The following PDYN variants were observed in gnomAD, a reference collection of about 807,000 sequenced individuals.
The protein encoded by PDYN is prodynorphin.
A neutral mutation model predicts 11.4 loss-of-function variants in PDYN; 5 were observed. The ratio of observed to expected loss-of-function variants is 0.44; its 90% CI spans 0.23 to 0.92. The LOEUF is 0.92. PDYN is among the 40% of genes least tolerant of loss of function. PDYN has a pLI of 0.24. For synonymous variants in PDYN, 132 were observed against 129.5 expected, an observed-to-expected ratio of 1.02 and a Z score of -0.13; for missense variants, 337 against 317.3, an observed-to-expected ratio of 1.06 and a Z score of -0.47.
intron 2 of PDYN, among the ~76,000 whole-genome samples, chr20:1,985,190 C>T (rs1405929739): frequency 2.0e-5 from 3 of 152,118 alleles, no homozygotes; most frequent in African/African-American, 4.8e-5. Flanking sequence ...TTCCACTCCA[C>T]GGGCCCCAGA....
chr20:1,992,001 G>A (rs957653156), intron 2 of PDYN, among the ~76,000 whole-genome samples: 4 of 152,146 alleles, frequency 2.6e-5, no homozygotes, highest in East Asian at 1.9e-4. Context: ...TATGATAATC[G>A]ATGGAGAGAA....
At chr20:1,991,312 C>T (rs191363762) in intron 2 of PDYN, among the ~76,000 whole-genome samples, 18 of 152,298 alleles carry the variant, frequency 1.2e-4, no homozygotes, top group East Asian at 3.9e-4. Context: ...CAAATTGCCT[C>T]GGTGCATATG....
intron 3 of PDYN, among the ~76,000 whole-genome samples, chr20:1,981,257 C>T (rs1383287819): frequency 5.9e-5 from 9 of 152,214 alleles, no homozygotes; most frequent in Non-Finnish European, 1.2e-4. Flanking sequence ...CACCTTTCCC[C>T]CTCCACGTCT....
intron 3 of PDYN, among the ~76,000 whole-genome samples, chr20:1,981,682 T>C (rs1987804256): frequency 6.6e-6 from 1 of 152,072 alleles, no homozygotes; most frequent in Admixed American, 6.6e-5. Context: ...TCCCAGCACT[T>C]TGGGAGACCA....
rs2235752 is a variant in PDYN, at chr20:1,989,612, A to T, written c.-20+2972T>A. The stretch of plus-strand genomic sequence containing the variant: ...AGAGGAGCCGCAAGCGTTTTTATTT[A>T]AAAAGCCAGCATGGAATAATAATGG... On this transcript the variant is annotated intron_variant, in intron 2 of 3. Transcript: ENST00000217305. Among the ~76,000 whole-genome samples, 1,006 of 152,344 alleles carry T rather than the reference A, an allele frequency of 6.6e-3. 12 individuals are homozygous for T. The highest frequency in any genetic ancestry group is 0.026 in the East Asian group (134 of 5,190).
chr20:1,987,545 A>C (rs1988245076), intron 2 of PDYN, among the ~76,000 whole-genome samples: 1 of 152,190 alleles, frequency 6.6e-6, no homozygotes, highest in Admixed American at 6.5e-5. Context: ...CCTGACAGAC[A>C]AGTGAGTCTG....
intron 2 of PDYN, among the ~76,000 whole-genome samples, chr20:1,985,638 G>T (rs1307734809): frequency 6.6e-6 from 1 of 152,188 alleles, no homozygotes; most frequent in African/African-American, 2.4e-5. Flanking sequence ...TAAATCTCCT[G>T]AGGTCACATA....
At chr20:1,981,637 C>T (rs1987800622) in intron 3 of PDYN, among the ~76,000 whole-genome samples, 1 of 152,122 alleles carries the variant, frequency 6.6e-6, no homozygotes, top group Non-Finnish European at 1.5e-5. Flanking sequence ...TATTAAATAA[C>T]TTCTTTTGTC....
At position 1,978,997 on chromosome 20, in the gene PDYN, C is replaced by G. The variant is rs535484725; in HGVS notation, c.*1326G>C. ...GACTCAAGCCTTTTCCTCTCCTATC[C>G]AGCCTCATCTCCTGGACCCACAAAC... On this transcript the variant is annotated 3_prime_UTR_variant, in exon 4 of 4. Transcript: ENST00000217305. 6.6e-6 allele frequency: 1 copy of G among 152,276 alleles called. No individual in the cohort carries two copies. Among genetic ancestry groups the G allele is most frequent in the South Asian group, 2.1e-4 (1 of 4,828 alleles). 9.4% of individuals were successfully genotyped at this position (152,276 alleles called of 1,614,324 possible).
chr20:1,988,346 A>C (rs568405893), intron 2 of PDYN, among the ~76,000 whole-genome samples: 177 of 152,290 alleles, frequency 1.2e-3, no homozygotes, highest in African/African-American at 4.2e-3. Context: ...GGCCCTCACA[A>C]TTTCATAGGT....
Position 1,982,940 on chromosome 20 carries a change from C to A in PDYN, c.129+16G>T. The A allele has an allele frequency of 6.2e-7, 1 of 1,612,830 alleles. No individual in the cohort carries two copies. The highest frequency in any genetic ancestry group is 1.1e-5 in the South Asian group (1 of 90,944). ...TCCAAGGACCTGGGCATTGAAGAAC[C>A]TTGCCTGAAACCTACCAGGGGATTG... On this transcript the variant is annotated intron_variant, in intron 3 of 3. Transcript: ENST00000217305.
At chr20:1,984,009 A>G (rs1284633232) in intron 2 of PDYN, among the ~76,000 whole-genome samples, 1 of 152,010 alleles carries the variant, frequency 6.6e-6, no homozygotes, top group Non-Finnish European at 1.5e-5. Flanking sequence ...ATATTACTTC[A>G]CCCAGGCAGC....
rs1987628607 is a variant in PDYN at position 1,980,055 on chromosome 20, T to TGCTGCC, written c.*262_*267dup. 7 of 520,476 alleles carry TGCTGCC rather than the reference T, an allele frequency of 1.3e-5. 1 individual carries two copies. In the South Asian group the frequency reaches 1.4e-4, roughly 10 times the overall value. 32.2% of individuals were successfully genotyped at this position (520,476 alleles called of 1,614,324 possible). A position where few individuals can be genotyped will look rare whatever the true frequency, so the allele number is the denominator to read the frequency against. ...GATCACAAACTGCTGCTGCTGCTGC[T>TGCTGCC]GCTGCCGCTGCTGATAGTTTTAGAG... On this transcript the variant is annotated 3_prime_UTR_variant, in exon 4 of 4. Transcript: ENST00000217305.
At chr20:1,993,016 C>T (rs1327345365) in intron 1 of PDYN, among the ~76,000 whole-genome samples, 2 of 148,108 alleles carry the variant, frequency 1.4e-5, no homozygotes, top group Non-Finnish European at 3.0e-5. Flanking sequence ...TAAGCAGTTG[C>T]AGAATTTACT....
At chr20:1,989,882 AC>A (rs1988357514) in intron 2 of PDYN, among the ~76,000 whole-genome samples, 1 of 152,214 alleles carries the variant, frequency 6.6e-6, no homozygotes, top group African/African-American at 2.4e-5. Context: ...AAGGACTGAG[AC>A]GCTGTTCTGC....
At position 1,979,651 on chromosome 20, in the gene PDYN, A is replaced by C. The variant is rs1227384456; in HGVS notation, c.*672T>G. 6.5e-6 allele frequency: 1 copy of C among 154,622 alleles called. No homozygotes were observed. Among genetic ancestry groups the C allele is most frequent in the Non-Finnish European group, 1.4e-5 (1 of 69,574 alleles). The allele number at this position is 154,622 out of a possible 1,614,324, so 9.6% of individuals were successfully genotyped here. On this transcript the variant is annotated 3_prime_UTR_variant, in exon 4 of 4. Transcript: ENST00000217305. The stretch of plus-strand genomic sequence containing the variant: ...TTCTTCAAGAGGTGCTTTTCTGAAC[A>C]ATGAGGACTCAGAGTACACTGACTA...
At position 1,980,929 on chromosome 20, in the gene PDYN, C is replaced by T; in HGVS notation, c.159G>A (p.Leu53=). ...ATCTCTCCCATTCCTCAGAGGGCAG[C>T]AGGGCAGCCTGGCATTGCAGGGAGC... ...LICSLQCQAA[L]LPSEEWERCQ... The change falls in exon 4 of 4, where the codon CTG becomes CTA. Residue 53 remains leucine (L), a synonymous_variant. Coordinates refer to ENST00000217305, the MANE Select transcript of PDYN (RefSeq NM_024411.5). The T allele has an allele frequency of 6.2e-7, 1 of 1,614,164 alleles. No individual in the cohort carries two copies. Among genetic ancestry groups the T allele is most frequent in the Non-Finnish European group, 8.5e-7 (1 of 1,180,036 alleles).
chr20:1,992,131 G>T (rs1391440168), intron 2 of PDYN, among the ~76,000 whole-genome samples: 1 of 152,136 alleles, frequency 6.6e-6, no homozygotes, highest in African/African-American at 2.4e-5. Context: ...AATAACCTTA[G>T]GAGGTGAATA....
intron 2 of PDYN, among the ~76,000 whole-genome samples, chr20:1,987,248 GATGAATGAATGA>G (rs3039804): frequency 6.6e-6 from 1 of 151,374 alleles, no homozygotes; most frequent in African/African-American, 2.4e-5. Context: ...TTGAGTGATT[GATGAATGAATGA>G]ATGAATGAAT....
Sources: gnomAD v4.1 joint callset for allele counts (sites outside exome capture counted in the v4.1 genomes callset) on GRCh38, gnomAD v4.1.1 for gene constraint, MANE v1.5 for transcripts, NCBI Gene and HGNC (gene_info 2026-07-23, HGNC 2026-07-21) for gene names.